PEAK1: variants seen among roughly 807,000 people sequenced by gnomAD.
The protein encoded by PEAK1 is inactive tyrosine-protein kinase PEAK1.
Under a neutral mutation model 124.7 loss-of-function variants are expected in PEAK1, and 54 were observed. The ratio of observed to expected loss-of-function variants is 0.43; its 90% CI spans 0.35 to 0.54. The LOEUF (loss-of-function observed/expected upper bound fraction) is 0.54. Ranked by LOEUF, PEAK1 falls within the 20% of genes least tolerant of loss-of-function variation. The probability of loss-of-function intolerance (pLI) is 0.01; values close to 1 mark genes in which losing one functional copy is unlikely to be tolerated. For synonymous variants in PEAK1, 719 were observed against 760.0 expected (o/e 0.95, Z 0.89); for missense variants, 2,046 against 2,134.5 (o/e 0.96, Z 0.82).
chr15:77,153,345 T>A (rs1394637185), intron 8 of PEAK1, among the ~76,000 whole-genome samples: 1 of 152,206 alleles, frequency 6.6e-6, no homozygotes. Flanking sequence ...ATCCCCTTTA[T>A]CATTTTTTAT....
rs1172405340 is a variant in PEAK1 at position 77,178,985 on chromosome 15, G to A, written c.2942C>T (p.Ser981Phe). 6.2e-7 allele frequency: 1 copy of A among 1,613,946 alleles called. No individual in the cohort carries two copies. The highest frequency in any genetic ancestry group is 1.3e-5 in the African/African-American group (1 of 74,898). ...HHWFTEAKGE[S>F]SEKPAIVFMY... ...GAAGACAATGGCTGGTTTCTCACTG[G>A]ACTCTCCTTTCGCCTCTGTGAACCA... Residue 981 changes from serine (S) to phenylalanine (F), a missense_variant, in exon 7 of 10, where the codon TCC becomes TTC. By Grantham distance (155) the Ser-to-Phe change is radical (BLOSUM62 -2). Transcript: ENST00000682557.
In PEAK1 at chr15:77,180,114, G is replaced by T; in HGVS notation, c.1813C>A (p.Pro605Thr). 1.2e-6 allele frequency: 2 copies of T among 1,614,130 alleles called. No homozygotes were observed. The highest frequency in any genetic ancestry group is 1.7e-6 in the Non-Finnish European group (2 of 1,179,996). Residue 605 changes from proline to threonine, a missense_variant, in exon 7 of 10, where the codon CCT becomes ACT. By Grantham distance (38) the Pro-to-Thr change is conservative (BLOSUM62 -1). Coordinates refer to ENST00000682557, the MANE Select transcript of PEAK1 (RefSeq NM_001385026.1). ...TCGTCATGAATGATAATTGGAAAAG[G>T]TGGCATACCAGCATTGTTATAACTA... ...FNSYNNAGMPPFPIIIHDEPT... is the reference protein window; with the variant it reads ...FNSYNNAGMPTFPIIIHDEPT...
At chr15:77,153,779 A>G (rs2054873815) in intron 8 of PEAK1, among the ~76,000 whole-genome samples, 1 of 152,160 alleles carries the variant, frequency 6.6e-6, no homozygotes, top group African/African-American at 2.4e-5. Flanking sequence ...TTCAGTTTCC[A>G]TGCAGTTGAG....
chr15:77,299,371 T>A (rs2063673400), intron 2 of PEAK1, among the ~76,000 whole-genome samples: 1 of 152,244 alleles, frequency 6.6e-6, no homozygotes, highest in Non-Finnish European at 1.5e-5. Context: ...GCTGACATTA[T>A]GTCCCATCAT....
intron 2 of PEAK1, among the ~76,000 whole-genome samples, chr15:77,321,540 T>C (rs2065219122): frequency 6.6e-6 from 1 of 152,222 alleles, no homozygotes; most frequent in Non-Finnish European, 1.5e-5. Context: ...AAGTTCATTG[T>C]AGATTCTGGA....
At chr15:77,315,332 C>T (rs1254664056) in intron 2 of PEAK1, among the ~76,000 whole-genome samples, 8 of 152,072 alleles carry the variant, frequency 5.3e-5, no homozygotes, top group South Asian at 2.1e-4. Context: ...TTGATGTCTA[C>T]GATAGATAAT....
chr15:77,150,696 T>A (rs1322140632), intron 8 of PEAK1, among the ~76,000 whole-genome samples: 1 of 127,646 alleles, frequency 7.8e-6, no homozygotes, highest in Non-Finnish European at 1.6e-5. Context: ...CGGAGTGTGA[T>A]GTTCCCCTTC....
At chr15:77,167,601 G>A (rs1373445453) in intron 7 of PEAK1, among the ~76,000 whole-genome samples, 1 of 152,202 alleles carries the variant, frequency 6.6e-6, no homozygotes, top group African/African-American at 2.4e-5. Context: ...AGACAGAGCA[G>A]CTATTTTCAG....
intron 8 of PEAK1, among the ~76,000 whole-genome samples, chr15:77,145,395 G>A (rs924449726): frequency 2.6e-5 from 4 of 151,658 alleles, no homozygotes; most frequent in African/African-American, 9.7e-5. Context: ...GTTGCAGTGA[G>A]CCACCATCAT....
chr15:77,360,594 T>A (rs186607268), intron 2 of PEAK1, among the ~76,000 whole-genome samples: 5 of 152,232 alleles, frequency 3.3e-5, no homozygotes, highest in Admixed American at 6.5e-5. Context: ...ACAGCATTCA[T>A]GGGATGTGAC....
chr15:77,262,781 C>T (rs974896237), intron 5 of PEAK1, among the ~76,000 whole-genome samples: 1 of 151,970 alleles, frequency 6.6e-6, no homozygotes, highest in Non-Finnish European at 1.5e-5. Context: ...ACTCTCCACC[C>T]CAAATCAACA....
chr15:77,126,734 T>C (rs2052408217), intron 9 of PEAK1, among the ~76,000 whole-genome samples: 1 of 152,184 alleles, frequency 6.6e-6, no homozygotes, highest in African/African-American at 2.4e-5. Flanking sequence ...AAATACACAG[T>C]GATATCTTCA....
chr15:77,348,799 G>A (rs986639770), intron 2 of PEAK1: 2 of 920,100 alleles, frequency 2.2e-6, no homozygotes, highest in East Asian at 1.2e-4. Context: ...TTGTTTTTGT[G>A]GGGGAGGGGG....
chr15:77,211,633 G>A (rs1341957372), intron 6 of PEAK1, among the ~76,000 whole-genome samples: 3 of 152,222 alleles, frequency 2.0e-5, no homozygotes, highest in Non-Finnish European at 4.4e-5. Flanking sequence ...TCGATCATCT[G>A]AGGTCAGGAG....
chr15:77,313,640 A>ATGTGTG (rs1298114830), intron 2 of PEAK1, among the ~76,000 whole-genome samples: 14 of 78,512 alleles, frequency 1.8e-4, no homozygotes, highest in Non-Finnish European at 3.7e-4. Flanking sequence ...TAATGTATGT[A>ATGTGTG]TGTATGTATG....
At chr15:77,388,305 T>C (rs1382953576) in intron 1 of PEAK1, among the ~76,000 whole-genome samples, 5 of 152,220 alleles carry the variant, frequency 3.3e-5, no homozygotes, top group African/African-American at 1.2e-4. Context: ...TAATTACCAA[T>C]GTGGGCTTCA....
At chr15:77,121,972 A>G (rs1283483975) in intron 9 of PEAK1, among the ~76,000 whole-genome samples, 1 of 152,202 alleles carries the variant, frequency 6.6e-6, no homozygotes, top group African/African-American at 2.4e-5. Context: ...CTAAATTGAT[A>G]TCCAGTATTT....
At chr15:77,170,606 A>G (rs2152805159) in intron 7 of PEAK1, among the ~76,000 whole-genome samples, 1 of 152,310 alleles carries the variant, frequency 6.6e-6, no homozygotes, top group East Asian at 1.9e-4. Flanking sequence ...CAAGGATGAT[A>G]TTAAATTCTG....
chr15:77,253,043 T>A lies in PEAK1; in HGVS notation c.-274-517A>T, dbSNP rs1414745806. 3.3e-5 allele frequency among the ~76,000 whole-genome samples: 5 copies of A among 152,306 alleles called. No homozygotes were observed. The South Asian group carries it at 1.0e-3, about 32-fold the overall frequency. On this transcript the variant is annotated intron_variant, in intron 5 of 9. Coordinates refer to ENST00000682557, the MANE Select transcript of PEAK1 (RefSeq NM_001385026.1). ...AAAATATCACCCAAAATTAAATACATGTCTACCTATTTCTGATTCTTGAGC... is the reference window on the plus strand; with the variant it reads ...AAAATATCACCCAAAATTAAATACAAGTCTACCTATTTCTGATTCTTGAGC...
Sources: gnomAD v4.1 joint callset for allele counts (sites outside exome capture counted in the v4.1 genomes callset) on GRCh38, gnomAD v4.1.1 for gene constraint, MANE v1.5 for transcripts, NCBI Gene and HGNC (gene_info 2026-07-23, HGNC 2026-07-21) for gene names.